The following DYNC1LI2 variants were observed in gnomAD, a reference collection of about 807,000 sequenced individuals.
DYNC1LI2 encodes the protein cytoplasmic dynein 1 light intermediate chain 2.
Under a neutral mutation model 57.8 loss-of-function variants are expected in DYNC1LI2, and 19 were observed. That is an observed-to-expected ratio of 0.33 (90% CI 0.23 to 0.48). DYNC1LI2 has a LOEUF of 0.48. DYNC1LI2 is among the 20% of genes least tolerant of loss of function. The pLI, the probability that DYNC1LI2 is intolerant of heterozygous loss-of-function variation, is 0.99. For missense variants in DYNC1LI2, 470 were observed against 604.2 expected (o/e 0.78, Z 2.33); for synonymous variants, 256 against 233.4 (o/e 1.10, Z -0.88).
In DYNC1LI2 at chr16:66,730,106, G is replaced by A. The variant is rs141617175; in HGVS notation, c.1041+6C>T. 26 of 1,612,468 alleles carry A rather than the reference G, an allele frequency of 1.6e-5. No individual in the cohort carries two copies. The African/African-American group carries it at 3.2e-4, about 20-fold the overall frequency. ...CTAAACCCTTAAAGCAATTGTCTTT[G>A]ACTACCTTTCTCACGGGAGGTTTCA... On this transcript the variant is annotated splice_donor_region_variant and intron_variant, in intron 8 of 12. Coordinates refer to ENST00000258198, the MANE Select transcript of DYNC1LI2 (RefSeq NM_006141.3).
intron 10 of DYNC1LI2, 149 bp downstream of exon 10, chr16:66,728,050 TTA>T (rs2017567585): frequency 9.0e-7 from 1 of 1,109,438 alleles, no homozygotes; most frequent in South Asian, 1.6e-5. Flanking sequence ...TGAGTTTCTT[TTA>T]TGTTTCTGGT....
chr16:66,736,088 ACCAACACCGGGAT>A lies in DYNC1LI2; in HGVS notation c.673_685del (p.Ile225TrpfsTer9). On this transcript the variant is annotated frameshift_variant, in exon 5 of 13. Transcript: ENST00000258198. LOFTEE classifies it high-confidence loss of function. Reference sequence around the variant, plus strand: ...CCTGGCACACACCTTTGTGCACACCACCAACACCGGGATCCCCAGGTTATGAGTCAGCACATTG... The same window carrying A: ...CCTGGCACACACCTTTGTGCACACCACCCCAGGTTATGAGTCAGCACATTG... 1 of 1,614,016 alleles carries A rather than the reference ACCAACACCGGGAT, an allele frequency of 6.2e-7. No homozygotes were observed. Among genetic ancestry groups the A allele is most frequent in the Non-Finnish European group, 8.5e-7 (1 of 1,179,996 alleles).
At chr16:66,748,277 C>CAAAAAAAAAAA (rs36186799) in intron 3 of DYNC1LI2, among the ~76,000 whole-genome samples, 1 of 66,044 alleles carries the variant, frequency 1.5e-5, no homozygotes, top group Non-Finnish European at 2.9e-5. Flanking sequence ...AACCCTGTCT[C>CAAAAAAAAAAA]AAAAAAAAAA....
At chr16:66,745,114 G>A (rs1242678839) in intron 3 of DYNC1LI2, among the ~76,000 whole-genome samples, 1 of 151,946 alleles carries the variant, frequency 6.6e-6, no homozygotes, top group Middle Eastern at 3.4e-3. Flanking sequence ...TCACCATGTT[G>A]GCTGGGCTAG....
At chr16:66,724,385 C>T (rs1344138962) in intron 12 of DYNC1LI2, among the ~76,000 whole-genome samples, 3 of 152,140 alleles carry the variant, frequency 2.0e-5, no homozygotes, top group East Asian at 3.9e-4. Context: ...GGGAATACTA[C>T]CAGCCCAGAG....
chr16:66,750,884 T>C (rs4349137), intron 2 of DYNC1LI2, among the ~76,000 whole-genome samples: 76,768 of 151,876 alleles, frequency 0.51, 20,277 homozygotes, highest in African/African-American at 0.64. Context: ...CTGATGAGGC[T>C]CAAAGAAGGC....
chr16:66,728,728 G>A (rs1417190217), intron 9 of DYNC1LI2, among the ~76,000 whole-genome samples: 1 of 152,180 alleles, frequency 6.6e-6, no homozygotes, highest in African/African-American at 2.4e-5. Context: ...GTGTGGTCAG[G>A]TTACTTGGTT....
intron 3 of DYNC1LI2, among the ~76,000 whole-genome samples, chr16:66,748,909 C>A (rs183286879): frequency 1.1e-4 from 16 of 152,322 alleles, no homozygotes; most frequent in Admixed American, 4.6e-4. Flanking sequence ...TTTAAAAAAT[C>A]TTTCTTACCA....
intron 6 of DYNC1LI2, 151 bp from the exon 7 acceptor site, chr16:66,732,625 T>C (rs1275544146): frequency 1.5e-5 from 10 of 676,684 alleles, no homozygotes; most frequent in African/African-American, 1.8e-5. Flanking sequence ...AAAACGCTTA[T>C]AGTATTACAT....
Position 66,742,422 on chromosome 16 carries a change from A to G in DYNC1LI2, c.529+16T>C. The G allele has an allele frequency of 6.2e-7, 1 of 1,609,720 alleles. No individual in the cohort carries two copies. Among genetic ancestry groups the G allele is most frequent in the Admixed American group, 1.7e-5 (1 of 59,486 alleles). On this transcript the variant is annotated intron_variant, in intron 4 of 12. Transcript: ENST00000258198. ...ACTCGTGAACTTCCCAATTAAGAAA[A>G]TTATATTTTACTCACACTTCCGTTC...
At chr16:66,743,920 A>T (rs1170571470) in intron 3 of DYNC1LI2, among the ~76,000 whole-genome samples, 1 of 152,238 alleles carries the variant, frequency 6.6e-6, no homozygotes, top group Non-Finnish European at 1.5e-5. Flanking sequence ...TTATGTTTTT[A>T]AAAAATTCTT....
At chr16:66,747,759 T>C (rs1431398631) in intron 3 of DYNC1LI2, among the ~76,000 whole-genome samples, 1 of 151,316 alleles carries the variant, frequency 6.6e-6, no homozygotes, top group Non-Finnish European at 1.5e-5. Flanking sequence ...TTAGTAGAGA[T>C]GGGGTTTCAC....
chr16:66,727,903 A>G, intron 10 of DYNC1LI2, 98 bp from the exon 11 acceptor site: 1 of 1,138,194 alleles, frequency 8.8e-7, no homozygotes, highest in Non-Finnish European at 1.3e-6. Flanking sequence ...TATTTTTCAC[A>G]GGCTATGGTA....
At chr16:66,748,174 A>C (rs1596999778) in intron 3 of DYNC1LI2, among the ~76,000 whole-genome samples, 1 of 146,118 alleles carries the variant, frequency 6.8e-6, no homozygotes, top group Non-Finnish European at 1.5e-5. Context: ...GCTGCTTAGG[A>C]GGATGAGGTG....
intron 5 of DYNC1LI2, among the ~76,000 whole-genome samples, chr16:66,734,997 CAAAAAAAA>C (rs377398071): frequency 1.0e-4 from 4 of 38,570 alleles, no homozygotes; most frequent in East Asian, 9.6e-4. Context: ...AACTCCGTCT[CAAAAAAAA>C]AAAAAAAAAA....
intron 3 of DYNC1LI2, among the ~76,000 whole-genome samples, chr16:66,744,658 C>G (rs537649911): frequency 2.6e-5 from 4 of 151,852 alleles, no homozygotes; most frequent in Non-Finnish European, 5.9e-5. Context: ...TGCCCAGGTT[C>G]AAGCGATTTT....
chr16:66,751,599 A>C lies in DYNC1LI2; in HGVS notation c.-8T>G. 6.4e-7 allele frequency: 1 copy of C among 1,569,502 alleles called. No individual in the cohort carries two copies. The highest frequency in any genetic ancestry group is 8.6e-7 in the Non-Finnish European group (1 of 1,160,924). On this transcript the variant is annotated 5_prime_UTR_variant, in exon 1 of 13. Transcript: ENST00000258198. This position sits in a 1 kb window ranked among gnomAD's most constrained non-coding sequence, Gnocchi z 5.2. ...CACCCCCACCGGCGCCATCTTGCCA[A>C]CTGCAGCCACAAAGAGGGCCCTCCC...
Position 66,723,357 on chromosome 16 carries a change from G to T in DYNC1LI2, c.*365C>A. 5 of 464,410 alleles carry T rather than the reference G, an allele frequency of 1.1e-5. No individual in the cohort carries two copies. Among genetic ancestry groups the T allele is most frequent in the South Asian group, 7.7e-5 (5 of 64,642 alleles). 28.8% of individuals were successfully genotyped at this position (464,410 alleles called of 1,614,324 possible). On this transcript the variant is annotated 3_prime_UTR_variant, in exon 13 of 13. Transcript: ENST00000258198. ...AAGTGAATTTACTAACATGAAACTG[G>T]TCAGACTAACCATCATCTTACCAAT...
intron 2 of DYNC1LI2, among the ~76,000 whole-genome samples, chr16:66,749,849 T>C (rs1463597898): frequency 1.3e-5 from 2 of 152,230 alleles, no homozygotes; most frequent in African/African-American, 2.4e-5. Flanking sequence ...AAAATAATTA[T>C]AGACCTAGCA....
Sources: gnomAD v4.1 joint callset for allele counts (sites outside exome capture counted in the v4.1 genomes callset) on GRCh38, gnomAD v4.1.1 for gene constraint, Gnocchi (gnomAD v3.1) non-coding constraint, MANE v1.5 for transcripts, NCBI Gene and HGNC (gene_info 2026-07-23, HGNC 2026-07-21) for gene names.